Variants in ABCB7 observed in about 807,000 individuals in gnomAD.
The protein encoded by ABCB7 is iron-sulfur clusters transporter ABCB7, mitochondrial.
In ABCB7, 7 loss-of-function variants were observed where a neutral mutation model predicts 54.4. The ratio of observed to expected loss-of-function variants is 0.13; its 90% CI spans 0.07 to 0.24. The LOEUF (loss-of-function observed/expected upper bound fraction) is 0.24. ABCB7 is among the 10% of genes least tolerant of loss of function. The probability of loss-of-function intolerance (pLI) is 1.00; values close to 1 mark genes in which losing one functional copy is unlikely to be tolerated. For missense variants in ABCB7, 356 were observed against 570.4 expected (o/e 0.62, Z 3.83); for synonymous variants, 218 against 207.1 (o/e 1.05, Z -0.45).
In ABCB7 at chrX:75,060,623, G is replaced by A. The variant is rs1439616663; in HGVS notation, c.1936-293C>T. 4.4e-4 allele frequency among the ~76,000 whole-genome samples: 49 copies of A among 111,292 alleles called. 2 individuals carry two copies. Among genetic ancestry groups the A allele is most frequent in the Non-Finnish European group, 5.7e-5 (3 of 52,944 alleles). On this transcript the variant is annotated intron_variant, in intron 14 of 15. Transcript: ENST00000373394. ...GAGAAAGTAGATATTTTCTATACAA[G>A]TACAAATAAACAACTCTTGTGATAT...
chrX:75,134,582 C>T (rs181338346), intron 1 of ABCB7, among the ~76,000 whole-genome samples: 1 of 111,928 alleles, frequency 8.9e-6, no homozygotes, highest in African/African-American at 3.2e-5. Context: ...TACCATAAAG[C>T]AATTCTCAAC....
chrX:75,124,273 T>C (rs1270528515), intron 1 of ABCB7, among the ~76,000 whole-genome samples: 2 of 111,936 alleles, frequency 1.8e-5, no homozygotes, highest in Non-Finnish European at 3.8e-5. Flanking sequence ...TCTAATAGTT[T>C]TTCCTTTATC....
chrX:75,079,571 C>T, intron 4 of ABCB7, among the ~76,000 whole-genome samples: 1 of 111,573 alleles, frequency 9.0e-6, no homozygotes, highest in East Asian at 2.8e-4. Context: ...ACCCACGTAC[C>T]CTTCACCCAG....
In ABCB7 at chrX:75,076,643, A is replaced by G; in HGVS notation, c.465T>C (p.Ile155=). Residue 155 remains isoleucine (I), a synonymous_variant, in exon 5 of 16, where the codon ATT becomes ATC. Coordinates refer to ENST00000373394, the MANE Select transcript of ABCB7 (RefSeq NM_001271696.3). ...CATATTTAAACATGAAGGGAACCAC[A>G]ATATTCATGGCCTAAAAACATAAAA... ...GFLGGAKAMN[I]VVPFMFKYAV... is the part of the protein sequence containing the mutation. The G allele has an allele frequency of 8.3e-7, 1 of 1,209,439 alleles. No homozygotes were observed. Among genetic ancestry groups the G allele is most frequent in the Non-Finnish European group, 1.1e-6 (1 of 893,486 alleles).
intron 1 of ABCB7, among the ~76,000 whole-genome samples, chrX:75,132,502 AC>A (rs1419041056): frequency 8.9e-6 from 1 of 112,746 alleles, no homozygotes; most frequent in Non-Finnish European, 1.9e-5. Context: ...TGAAGAGGGA[AC>A]AAAAAGCCTG....
intron 10 of ABCB7, 136 bp from the exon 11 acceptor site, chrX:75,069,590 C>T: frequency 1.6e-6 from 1 of 623,334 alleles, no homozygotes; most frequent in Non-Finnish European, 2.5e-6. Flanking sequence ...AGACCACTTC[C>T]AAGCATGCAT....
chrX:75,155,868 C>A (rs2082171257), intron 1 of ABCB7, among the ~76,000 whole-genome samples: 1 of 111,239 alleles, frequency 9.0e-6, no homozygotes, highest in Admixed American at 9.5e-5. Context: ...GAGCCTCCAG[C>A]GCTCCAGGTG....
At chrX:75,083,294 T>C (rs991617496) in intron 4 of ABCB7, among the ~76,000 whole-genome samples, 2 of 111,314 alleles carry the variant, frequency 1.8e-5, no homozygotes, top group Non-Finnish European at 3.8e-5. Context: ...TTGTGACCTA[T>C]AAAAATGTCT....
At chrX:75,055,935 C>T (rs756847912) in intron 15 of ABCB7, among the ~76,000 whole-genome samples, 2 of 110,545 alleles carry the variant, frequency 1.8e-5, no homozygotes, top group South Asian at 3.9e-4. Context: ...AATCCTCCCA[C>T]CTCTGCCTCC....
At chrX:75,103,516 G>A (rs1156774158) in intron 3 of ABCB7, among the ~76,000 whole-genome samples, 2 of 111,285 alleles carry the variant, frequency 1.8e-5, no homozygotes, top group African/African-American at 6.5e-5. Flanking sequence ...TGTTACTATA[G>A]CGTTATAATA....
chrX:75,051,219 T>C lies in ABCB7; in HGVS notation c.*2151A>G, dbSNP rs2081194571. ...AACTCTAGCTTTAAAAGCAAGATCT[T>C]GCATCACTTACTCTGGCAGCAAAGA... On this transcript the variant is annotated 3_prime_UTR_variant, in exon 16 of 16. Coordinates refer to ENST00000373394, the MANE Select transcript of ABCB7 (RefSeq NM_001271696.3). Among the ~76,000 whole-genome samples, 1 of 111,012 alleles carries C rather than the reference T, an allele frequency of 9.0e-6. No individual in the cohort carries two copies. Among genetic ancestry groups the C allele is most frequent in the Non-Finnish European group, 1.9e-5 (1 of 52,951 alleles).
chrX:75,087,007 C>T (rs2081503264), intron 4 of ABCB7, among the ~76,000 whole-genome samples: 1 of 111,858 alleles, frequency 8.9e-6, no homozygotes, highest in African/African-American at 3.3e-5. Flanking sequence ...AGAAGGAACC[C>T]TTAGTTCCAG....
rs182921720 is a variant in ABCB7 at position 75,111,442 on chromosome X, C to A, written c.333+1444G>T. Among the ~76,000 whole-genome samples, 6 of 111,855 alleles carry A rather than the reference C, an allele frequency of 5.4e-5. No individual in the cohort carries two copies. The East Asian group carries it at 1.7e-3, about 32-fold the overall frequency. On this transcript the variant is annotated intron_variant, in intron 3 of 15. Transcript: ENST00000373394. ...GTGTGAGGAGTTAACTCATTTAAAT[C>A]CCCTTCAAAATTATCATCTCCATTT...
chrX:75,104,047 G>GTTTTTGTTTTTTTTTTTT (rs2081663595), intron 3 of ABCB7, among the ~76,000 whole-genome samples: 1 of 13,443 alleles, frequency 7.4e-5, no homozygotes, highest in Admixed American at 2.0e-3. Context: ...TCTTGTTACA[G>GTTTTTGTTTTTTTTTTTT]TTTTTTTTTT....
At chrX:75,063,810 G>A (rs1344892280) in intron 13 of ABCB7, among the ~76,000 whole-genome samples, 2 of 111,922 alleles carry the variant, frequency 1.8e-5, no homozygotes, top group Non-Finnish European at 3.8e-5. Context: ...GAGAGGTTTG[G>A]TTATAAGGAA....
chrX:75,086,984 A>G (rs2081503113), intron 4 of ABCB7, among the ~76,000 whole-genome samples: 1 of 111,940 alleles, frequency 8.9e-6, no homozygotes, highest in African/African-American at 3.3e-5. Flanking sequence ...GTTGCTTTAT[A>G]TGGCTTAAAA....
chrX:75,115,797 G>C (rs191811459), intron 1 of ABCB7, among the ~76,000 whole-genome samples: 2,248 of 106,336 alleles, frequency 0.021, 77 homozygotes, highest in Admixed American at 0.12. Context: ...GGGGGGGGGG[G>C]CACGGGGCAG....
intron 13 of ABCB7, 172 bp from the exon 14 acceptor site, chrX:75,062,603 C>G (rs1349647506): frequency 2.2e-6 from 1 of 452,253 alleles, no homozygotes; most frequent in Non-Finnish European, 3.9e-6. Context: ...TATCTTTTGA[C>G]AAATTATATT....
At chrX:75,074,233 C>G (rs1470924899) in intron 6 of ABCB7, among the ~76,000 whole-genome samples, 1 of 111,406 alleles carries the variant, frequency 9.0e-6, no homozygotes, top group Non-Finnish European at 1.9e-5. Context: ...AAAATATATA[C>G]ATATATTTTT....
Sources: gnomAD v4.1 joint callset for allele counts (sites outside exome capture counted in the v4.1 genomes callset) on GRCh38, gnomAD v4.1.1 for gene constraint, MANE v1.5 for transcripts, NCBI Gene and HGNC (gene_info 2026-07-23, HGNC 2026-07-21) for gene names.